RNF170: variants seen among roughly 807,000 people sequenced by gnomAD.
RNF170 encodes E3 ubiquitin-protein ligase RNF170.
In RNF170, 12 loss-of-function variants were observed where a neutral mutation model predicts 32.7. The ratio of observed to expected loss-of-function variants is 0.37; its 90% CI spans 0.24 to 0.60. The LOEUF (loss-of-function observed/expected upper bound fraction) is 0.60. RNF170 is among the 20% of genes least tolerant of loss of function. The probability of loss-of-function intolerance (pLI) is 0.72; values close to 1 mark genes in which losing one functional copy is unlikely to be tolerated. For synonymous variants in RNF170, 91 were observed against 103.6 expected (o/e 0.88, Z 0.74); for missense variants, 212 against 311.2 (o/e 0.68, Z 2.40).
At chr8:42,876,443 T>C (rs1323603648) in intron 2 of RNF170, among the ~76,000 whole-genome samples, 1 of 151,364 alleles carries the variant, frequency 6.6e-6, no homozygotes, top group Non-Finnish European at 1.5e-5. Flanking sequence ...AGTGCCCTTA[T>C]AAAAAGAGAC....
chr8:42,895,605 T>C (rs1806733697), intron 1 of RNF170, among the ~76,000 whole-genome samples: 1 of 152,262 alleles, frequency 6.6e-6, no homozygotes, highest in South Asian at 2.1e-4. Context: ...ATAGCCATGT[T>C]CTGAGTGGCC....
rs1318695304 is a variant in RNF170 at position 42,896,518 on chromosome 8, C to G, written c.-42G>C. 1 of 453,808 alleles carries G rather than the reference C, an allele frequency of 2.2e-6. No individual in the cohort carries two copies. Among genetic ancestry groups the G allele is most frequent in the Non-Finnish European group, 4.4e-6 (1 of 226,708 alleles). The allele number at this position is 453,808 out of a possible 1,614,324, so 28.1% of individuals were successfully genotyped here. ...GCGAAGGAACTACCTCGCCAGTTCC[C>G]GGCGACAGAGGACAGATTATTTCCA... On this transcript the variant is annotated 5_prime_UTR_variant, in exon 1 of 7. Transcript: ENST00000527424.
chr8:42,882,619 A>G (rs755521504), intron 2 of RNF170, among the ~76,000 whole-genome samples: 2 of 152,248 alleles, frequency 1.3e-5, no homozygotes, highest in Non-Finnish European at 2.9e-5. Flanking sequence ...GTTAAACACA[A>G]AAGAACAAAT....
intron 2 of RNF170, 112 bp from the exon 3 acceptor site, chr8:42,874,118 G>A (rs1804729949): frequency 4.2e-6 from 3 of 707,242 alleles, no homozygotes; most frequent in African/African-American, 1.8e-5. Context: ...GTAATTGATG[G>A]CATACAAGCA....
At chr8:42,883,696 A>G (rs1805595053) in intron 2 of RNF170, among the ~76,000 whole-genome samples, 1 of 152,120 alleles carries the variant, frequency 6.6e-6, no homozygotes, top group Non-Finnish European at 1.5e-5. Flanking sequence ...CCTGACCAGC[A>G]TAGTGAGAAC....
At position 42,856,179 on chromosome 8, in the gene RNF170, T is replaced by G; in HGVS notation, c.757A>C (p.Thr253Pro). The G allele has an allele frequency of 6.2e-7, 1 of 1,613,180 alleles. No individual in the cohort carries two copies. The highest frequency in any genetic ancestry group is 8.5e-7 in the Non-Finnish European group (1 of 1,179,544). ...CTTTTTCATCTAGTTAGCCTTTGGG[T>G]TATCACTTCTCGATACATAATAGAG... is the stretch of plus-strand genomic sequence containing the variant. ...YISIMYREVI[T>P]QRLTR is the part of the protein sequence containing the mutation. The change falls in exon 7 of 7, where the codon ACC (threonine) becomes CCC (proline). Residue 253 changes from threonine (T) to proline (P), a missense_variant. Coordinates refer to ENST00000527424, the MANE Select transcript of RNF170 (RefSeq NM_030954.4).
intron 6 of RNF170, among the ~76,000 whole-genome samples, chr8:42,860,144 C>T (rs532156891): frequency 3.3e-5 from 5 of 152,272 alleles, no homozygotes; most frequent in South Asian, 2.1e-4. Context: ...GGAGCACCCA[C>T]GCTGAAATGG....
At chr8:42,860,918 G>A (rs577414871) in intron 6 of RNF170, among the ~76,000 whole-genome samples, 161 of 151,310 alleles carry the variant, frequency 1.1e-3, no homozygotes, top group African/African-American at 3.6e-3. Flanking sequence ...GGGTTTCACC[G>A]TGTTGGCCAG....
chr8:42,853,379 C>T lies in RNF170; in HGVS notation c.*2780G>A. On this transcript the variant is annotated 3_prime_UTR_variant, in exon 7 of 7. Coordinates refer to ENST00000527424, the MANE Select transcript of RNF170 (RefSeq NM_030954.4). ...TAATCACAAGGTTTGAACCAAACCA[C>T]CAGTCTTCTACAACAACTCTGTGAG... 1 of 1,281,220 alleles carries T rather than the reference C, an allele frequency of 7.8e-7. No homozygotes were observed. Among genetic ancestry groups the T allele is most frequent in the Non-Finnish European group, 1.0e-6 (1 of 985,206 alleles). The allele number at this position is 1,281,220 out of a possible 1,614,324, so 79.4% of individuals were successfully genotyped here. A position where few individuals can be genotyped will look rare whatever the true frequency, so the allele number is the denominator to read the frequency against.
intron 1 of RNF170, among the ~76,000 whole-genome samples, chr8:42,892,925 T>C (rs2130209834): frequency 6.6e-6 from 1 of 152,254 alleles, no homozygotes; most frequent in South Asian, 2.1e-4. Context: ...GGGCAGAGGT[T>C]GCAGTGAGCC....
chr8:42,853,669 A>G lies in RNF170; in HGVS notation c.*2490T>C. On this transcript the variant is annotated 3_prime_UTR_variant, in exon 7 of 7. Transcript: ENST00000527424. ...ATATGATCTAACTCTGAATCACGGAAGTATTACTATGATGTTCAAAACTCT... is the reference window on the plus strand; with the variant it reads ...ATATGATCTAACTCTGAATCACGGAGGTATTACTATGATGTTCAAAACTCT... The G allele has an allele frequency of 7.8e-7, 1 of 1,286,408 alleles. No homozygotes were observed. The highest frequency in any genetic ancestry group is 1.0e-6 in the Non-Finnish European group (1 of 988,236). 79.7% of individuals were successfully genotyped at this position (1,286,408 alleles called of 1,614,324 possible). A position where few individuals can be genotyped will look rare whatever the true frequency, so the allele number is the denominator to read the frequency against.
At chr8:42,896,276 C>T (rs1170628885) in intron 1 of RNF170, 5 of 347,876 alleles carry the variant, frequency 1.4e-5, no homozygotes, top group Non-Finnish European at 2.8e-5. Flanking sequence ...TCCGCGTCGG[C>T]CCCTCCACCG....
chr8:42,891,081 AACAGTGCTGCTGATTCTGTCCAACCAT>A (rs1461859111), intron 1 of RNF170, among the ~76,000 whole-genome samples: 1 of 152,228 alleles, frequency 6.6e-6, no homozygotes, highest in East Asian at 1.9e-4. Flanking sequence ...TCCAGAACTA[AACAGTGCTGCTGATTCTGTCCAACCAT>A]ACAGGCTCTA....
intron 6 of RNF170, among the ~76,000 whole-genome samples, chr8:42,860,444 C>T (rs1043288734): frequency 4.0e-5 from 6 of 151,768 alleles, no homozygotes; most frequent in Middle Eastern, 3.4e-3. Flanking sequence ...TTTTCTGAGA[C>T]GGGAGTCTCA....
At chr8:42,885,170 A>G (rs942411481) in intron 2 of RNF170, among the ~76,000 whole-genome samples, 1 of 152,010 alleles carries the variant, frequency 6.6e-6, no homozygotes, top group Non-Finnish European at 1.5e-5. Flanking sequence ...TATTTCAGTT[A>G]ATATCATGTC....
intron 2 of RNF170, among the ~76,000 whole-genome samples, chr8:42,880,546 C>T (rs964908701): frequency 6.6e-6 from 1 of 152,048 alleles, no homozygotes; most frequent in African/African-American, 2.4e-5. Context: ...CTGAGGCGGG[C>T]GGATCATGAG....
At chr8:42,893,155 CG>C (rs890831826) in intron 1 of RNF170, among the ~76,000 whole-genome samples, 2 of 152,022 alleles carry the variant, frequency 1.3e-5, no homozygotes, top group Non-Finnish European at 2.9e-5. Flanking sequence ...GTTAGTAGTG[CG>C]CAGGGTCTTA....
At chr8:42,896,659 G>A, upstream of RNF170, 2 of 451,318 alleles carry the variant, frequency 4.4e-6, no homozygotes, top group Non-Finnish European at 8.9e-6. Context: ...ACCGGACGGC[G>A]GAGGAGGACC....
chr8:42,854,995 G>T lies in RNF170; in HGVS notation c.*1164C>A. ...CTATAGCTAACCAGTAATTTCTTTT[G>T]TCAAATGTAAATACCGTTCCCAGTA... is the stretch of plus-strand genomic sequence containing the variant. On this transcript the variant is annotated 3_prime_UTR_variant, in exon 7 of 7. Coordinates refer to ENST00000527424, the MANE Select transcript of RNF170 (RefSeq NM_030954.4). 7.8e-7 allele frequency: 1 copy of T among 1,287,180 alleles called. No individual in the cohort carries two copies. Among genetic ancestry groups the T allele is most frequent in the Non-Finnish European group, 1.0e-6 (1 of 988,690 alleles). The allele number at this position is 1,287,180 out of a possible 1,614,324, so 79.7% of individuals were successfully genotyped here.
Sources: allele counts gnomAD v4.1 joint callset (sites outside exome capture counted in the v4.1 genomes callset), GRCh38; gene constraint gnomAD v4.1.1; transcripts MANE v1.5; gene names NCBI Gene and HGNC (gene_info 2026-07-23, HGNC 2026-07-21).